The following MCCC1 variants were observed in gnomAD, a reference collection of about 807,000 sequenced individuals.
MCCC1 encodes methylcrotonoyl-CoA carboxylase subunit alpha, mitochondrial.
A neutral mutation model predicts 83.8 loss-of-function variants in MCCC1; 64 were observed. The ratio of observed to expected loss-of-function variants is 0.76; its 90% CI spans 0.62 to 0.94. The LOEUF is 0.94. Ranked by LOEUF, MCCC1 falls within the 40% of genes least tolerant of loss-of-function variation. The pLI, the probability that MCCC1 is intolerant of heterozygous loss-of-function variation, is 0.00. For missense variants in MCCC1, 807 were observed against 904.7 expected (o/e 0.89, Z 1.39); for synonymous variants, 322 against 315.4 (o/e 1.02, Z -0.22).
upstream of MCCC1, among the ~76,000 whole-genome samples, chr3:183,103,978 C>T (rs1403153955): frequency 3.3e-5 from 5 of 152,180 alleles, no homozygotes; most frequent in East Asian, 7.7e-4. Flanking sequence ...CCTCCGCAGC[C>T]GCTGGCCCGG....
intron 9 of MCCC1, 27 bp from the exon 10 acceptor site, chr3:183,045,567 T>A (rs201357145): frequency 5.6e-6 from 9 of 1,612,182 alleles, no homozygotes; most frequent in Non-Finnish European, 7.6e-6. Flanking sequence ...AATGGTCATA[T>A]TCAATAGTGT....
At chr3:183,087,995 G>A (rs1718027366) in intron 3 of MCCC1, among the ~76,000 whole-genome samples, 1 of 152,018 alleles carries the variant, frequency 6.6e-6, no homozygotes, top group African/African-American at 2.4e-5. Flanking sequence ...CTACATAAAG[G>A]TGGGAGGAAA....
Position 183,080,733 on chromosome 3 carries a change from G to A in MCCC1, c.369+5960C>T, listed in dbSNP as rs144655794. Among the ~76,000 whole-genome samples, 652 of 152,256 alleles carry A rather than the reference G, an allele frequency of 4.3e-3. 3 individuals are homozygous for A. The highest frequency in any genetic ancestry group is 0.015 in the African/African-American group (625 of 41,548). ...CATGCTGCTGATAAAGACATTACCT[G>A]ACACTGGGCAATTTACAAAAGAAAG... On this transcript the variant is annotated intron_variant, in intron 4 of 18. Transcript: ENST00000265594.
chr3:183,111,446 C>T (rs1719490229), intron 1 of MCCC1, among the ~76,000 whole-genome samples: 1 of 152,118 alleles, frequency 6.6e-6, no homozygotes, highest in Non-Finnish European at 1.5e-5. Context: ...ATTATAGGCA[C>T]CTACCACCAC....
intron 1 of MCCC1, among the ~76,000 whole-genome samples, chr3:183,113,107 T>C (rs112460465): frequency 0.014 from 2,133 of 150,000 alleles, 50 homozygotes; most frequent in African/African-American, 0.05. Context: ...GCCTGTAACC[T>C]CAGCTACTCG....
At chr3:183,099,531 G>T, upstream of MCCC1, 1 of 1,477,042 alleles carries the variant, frequency 6.8e-7, no homozygotes, top group South Asian at 1.2e-5. Flanking sequence ...GAAGCCTCGT[G>T]ACCCCCGCCG....
At chr3:183,068,368 G>C (rs986098617) in intron 7 of MCCC1, among the ~76,000 whole-genome samples, 6 of 152,244 alleles carry the variant, frequency 3.9e-5, no homozygotes, top group Admixed American at 2.0e-4. Flanking sequence ...ACCTCTGGTC[G>C]TCTTCACTGC....
intron 1 of MCCC1, among the ~76,000 whole-genome samples, chr3:183,105,279 G>T (rs1341214042): frequency 2.0e-5 from 3 of 152,192 alleles, no homozygotes; most frequent in Non-Finnish European, 4.4e-5. Flanking sequence ...GGGAGGTAAA[G>T]GTTGCAGTGA....
intron 10 of MCCC1, among the ~76,000 whole-genome samples, chr3:183,043,987 C>T (rs1186112051): frequency 6.6e-6 from 1 of 152,166 alleles, no homozygotes; most frequent in East Asian, 1.9e-4. Flanking sequence ...GCTTGCTGTG[C>T]CTGGTTTTCG....
intron 1 of MCCC1, among the ~76,000 whole-genome samples, chr3:183,111,392 C>G (rs916456879): frequency 2.6e-5 from 4 of 152,136 alleles, no homozygotes; most frequent in African/African-American, 9.7e-5. Flanking sequence ...CTCTGCCTCC[C>G]AGGCTCAAGT....
chr3:183,093,190 G>A (rs957993918), intron 2 of MCCC1, among the ~76,000 whole-genome samples: 6 of 152,040 alleles, frequency 3.9e-5, no homozygotes, highest in South Asian at 2.1e-4. Flanking sequence ...CACCACACCC[G>A]GCCAATACTA....
intron 4 of MCCC1, among the ~76,000 whole-genome samples, chr3:183,078,104 C>G (rs1457410729): frequency 6.6e-6 from 1 of 152,184 alleles, no homozygotes; most frequent in African/African-American, 2.4e-5. Flanking sequence ...ACTGCAACCT[C>G]CACCTCCTGG....
chr3:183,060,591 ATACTT>A (rs1218777652), intron 7 of MCCC1, among the ~76,000 whole-genome samples: 1 of 151,928 alleles, frequency 6.6e-6, no homozygotes, highest in Non-Finnish European at 1.5e-5. Flanking sequence ...TTTTTTTATT[ATACTT>A]TAATTTCTAG....
intron 11 of MCCC1, 125 bp from the exon 12 acceptor site, chr3:183,039,260 A>T: frequency 3.1e-6 from 3 of 979,370 alleles, no homozygotes; most frequent in Non-Finnish European, 4.8e-6. Context: ...GATAAATAAC[A>T]ACACAAATTT....
chr3:183,107,417 AAAAAGAAAAAG>A (rs1470908622), intron 1 of MCCC1, among the ~76,000 whole-genome samples: 5 of 141,638 alleles, frequency 3.5e-5, no homozygotes, highest in African/African-American at 1.6e-4. Flanking sequence ...TCAAAAAAAA[AAAAAGAAAAAG>A]AAAAAGAAAA....
rs1716094570 is a variant in MCCC1, at chr3:183,064,496, A to G, written c.761+6503T>C. 6.6e-6 allele frequency among the ~76,000 whole-genome samples: 1 copy of G among 152,156 alleles called. No individual in the cohort carries two copies. Among genetic ancestry groups the G allele is most frequent in the Non-Finnish European group, 1.5e-5 (1 of 68,006 alleles). ...CCGTAAAGGCTTCTGGGACGGGCAG[A>G]AGCCCCGCGCCCCTGCCTGCACCCC... On this transcript the variant is annotated intron_variant, in intron 7 of 18. Transcript: ENST00000265594. The surrounding 1 kb of genome is among the most constrained non-coding windows in gnomAD (Gnocchi z 4.5).
intron 16 of MCCC1, among the ~76,000 whole-genome samples, chr3:183,021,447 T>C (rs923441614): frequency 1.3e-5 from 2 of 152,226 alleles, no homozygotes; most frequent in Non-Finnish European, 2.9e-5. Flanking sequence ...CTCAAACTCC[T>C]GGTCTCAAGC....
chr3:183,024,312 A>G (rs1577242681), intron 15 of MCCC1, among the ~76,000 whole-genome samples: 1 of 152,310 alleles, frequency 6.6e-6, no homozygotes, highest in East Asian at 1.9e-4. Flanking sequence ...TCATTCTCTC[A>G]TAAGTACACA....
intron 1 of MCCC1, among the ~76,000 whole-genome samples, chr3:183,113,768 G>A (rs1183841757): frequency 6.6e-6 from 1 of 151,970 alleles, no homozygotes; most frequent in Non-Finnish European, 1.5e-5. Flanking sequence ...GTGTTTCCCA[G>A]AGTTCTGGGA....
Sources: gnomAD v4.1 joint callset for allele counts (sites outside exome capture counted in the v4.1 genomes callset) on GRCh38, gnomAD v4.1.1 for gene constraint, Gnocchi (gnomAD v3.1) non-coding constraint, MANE v1.5 for transcripts, NCBI Gene and HGNC (gene_info 2026-07-23, HGNC 2026-07-21) for gene names.